Variants in DCBLD2 observed in about 807,000 individuals in gnomAD.
DCBLD2 encodes the protein discoidin, CUB and LCCL domain containing 2, also known as discoidin, CUB and LCCL domain-containing protein 2.
A neutral mutation model predicts 86.8 loss-of-function variants in DCBLD2; 54 were observed. That is an observed-to-expected ratio of 0.62 (90% CI 0.50 to 0.78). The LOEUF is 0.78. Among genes scored for constraint, DCBLD2 ranks in the 30% least tolerant of loss-of-function variants. The pLI, the probability that DCBLD2 is intolerant of heterozygous loss-of-function variation, is 0.00. For missense variants in DCBLD2, 908 were observed against 954.2 expected, an observed-to-expected ratio of 0.95 and a Z score of 0.64; for synonymous variants, 354 against 341.3, an observed-to-expected ratio of 1.04 and a Z score of -0.41.
At chr3:98,842,929 G>A (rs2454690) in intron 3 of DCBLD2, among the ~76,000 whole-genome samples, 147,756 of 152,266 alleles carry the variant, frequency 0.97, 71,847 homozygotes, top group Non-Finnish European at 1. Context: ...GCACAAACAC[G>A]TATGTAGTCT....
At position 98,857,465 on chromosome 3, in the gene DCBLD2, G is replaced by A. The variant is rs78924828; in HGVS notation, c.434-7867C>T. Among the ~76,000 whole-genome samples, 201 of 136,964 alleles carry A rather than the reference G, an allele frequency of 1.5e-3. 1 individual carries two copies. In the East Asian group the frequency reaches 0.017, roughly 12 times the overall value. The allele number at this position is 136,964 out of a possible 152,430, so 89.9% of individuals were successfully genotyped here. A position where few individuals can be genotyped will look rare whatever the true frequency, so the allele number is the denominator to read the frequency against. On this transcript the variant is annotated intron_variant, in intron 2 of 15. Coordinates refer to ENST00000326840, the MANE Select transcript of DCBLD2 (RefSeq NM_080927.4). ...TGATTAGTCCATTTTACAGAGAGCC[G>A]ACTGGTCCATTTTACAGAGAGCTTA...
At chr3:98,897,288 C>CA (rs1486948232) in intron 1 of DCBLD2, among the ~76,000 whole-genome samples, 1 of 152,118 alleles carries the variant, frequency 6.6e-6, no homozygotes, top group Non-Finnish European at 1.5e-5. Context: ...TTACAAGTTT[C>CA]AAAAATGTGC....
At chr3:98,857,979 T>G (rs1942967774) in intron 2 of DCBLD2, among the ~76,000 whole-genome samples, 1 of 152,264 alleles carries the variant, frequency 6.6e-6, no homozygotes, top group Non-Finnish European at 1.5e-5. Flanking sequence ...CCCGCACTCC[T>G]CAGCCCTTGG....
intron 13 of DCBLD2, among the ~76,000 whole-genome samples, chr3:98,803,463 C>G (rs963587525): frequency 6.6e-6 from 1 of 152,208 alleles, no homozygotes; most frequent in Non-Finnish European, 1.5e-5. Flanking sequence ...ATGGGGTTTT[C>G]TAAATATACA....
At chr3:98,839,642 A>T (rs1164517201) in intron 3 of DCBLD2, among the ~76,000 whole-genome samples, 2 of 152,250 alleles carry the variant, frequency 1.3e-5, no homozygotes, top group African/African-American at 2.4e-5. Context: ...ATATTTAATA[A>T]GCATGTGTTA....
At chr3:98,808,567 A>T (rs1376189374) in intron 12 of DCBLD2, among the ~76,000 whole-genome samples, 8 of 152,238 alleles carry the variant, frequency 5.3e-5, no homozygotes, top group Non-Finnish European at 1.2e-4. Context: ...TTAACTAGTA[A>T]TACATTAAAA....
chr3:98,843,658 T>C (rs1486136770), intron 3 of DCBLD2, among the ~76,000 whole-genome samples: 3 of 152,196 alleles, frequency 2.0e-5, no homozygotes, highest in African/African-American at 7.2e-5. Context: ...AAATATTTTT[T>C]ATACTATTGG....
At chr3:98,816,908 A>G (rs899928406) in intron 9 of DCBLD2, among the ~76,000 whole-genome samples, 1 of 152,064 alleles carries the variant, frequency 6.6e-6, no homozygotes, top group African/African-American at 2.4e-5. Context: ...CAGCCTCCCA[A>G]GAAACTGGGA....
intron 3 of DCBLD2, among the ~76,000 whole-genome samples, chr3:98,847,093 C>A (rs1339040773): frequency 6.6e-6 from 1 of 152,162 alleles, no homozygotes; most frequent in Non-Finnish European, 1.5e-5. Context: ...TATCATCTCA[C>A]TTGTGTTCTC....
intron 2 of DCBLD2, among the ~76,000 whole-genome samples, chr3:98,863,358 A>G (rs532618861): frequency 1.3e-5 from 2 of 152,312 alleles, no homozygotes; most frequent in Admixed American, 1.3e-4. Context: ...AATTGGAAAA[A>G]ACTACTTTAA....
intron 3 of DCBLD2, among the ~76,000 whole-genome samples, chr3:98,845,805 G>T (rs946976220): frequency 6.6e-6 from 1 of 152,032 alleles, no homozygotes; most frequent in African/African-American, 2.4e-5. Flanking sequence ...CTACCATCAG[G>T]TTTTTGCACC....
At chr3:98,877,993 A>C (rs1943399370) in intron 2 of DCBLD2, among the ~76,000 whole-genome samples, 1 of 152,220 alleles carries the variant, frequency 6.6e-6, no homozygotes, top group Admixed American at 6.5e-5. Context: ...CAAATGGGAG[A>C]GAAGGGAAAG....
intron 3 of DCBLD2, among the ~76,000 whole-genome samples, chr3:98,833,244 TTG>T (rs1559778085): frequency 6.6e-6 from 1 of 152,180 alleles, no homozygotes; most frequent in Non-Finnish European, 1.5e-5. Flanking sequence ...TGCAATTGGG[TTG>T]TGAAATTCTT....
intron 3 of DCBLD2, among the ~76,000 whole-genome samples, chr3:98,837,327 G>T (rs1199943601): frequency 3.0e-4 from 2 of 6,746 alleles, no homozygotes; most frequent in Non-Finnish European, 7.9e-4. Flanking sequence ...GGACGGGGCG[G>T]CTGGCCGGGC....
intron 2 of DCBLD2, among the ~76,000 whole-genome samples, chr3:98,876,760 A>T (rs1191641280): frequency 1.3e-5 from 2 of 152,230 alleles, no homozygotes; most frequent in African/African-American, 4.8e-5. Flanking sequence ...AAAGCAACCA[A>T]TACAACCATT....
chr3:98,897,952 A>C (rs1449661459), intron 1 of DCBLD2, among the ~76,000 whole-genome samples: 1 of 152,106 alleles, frequency 6.6e-6, no homozygotes, highest in Non-Finnish European at 1.5e-5. Flanking sequence ...ATCAACTTCC[A>C]ATAAATTTAA....
At chr3:98,844,967 AGGAAGTATTTAGT>A (rs1942692548) in intron 3 of DCBLD2, among the ~76,000 whole-genome samples, 1 of 152,226 alleles carries the variant, frequency 6.6e-6, no homozygotes, top group Non-Finnish European at 1.5e-5. Flanking sequence ...TGTTTGTATA[AGGAAGTATTTAGT>A]GGCTGCTTCT....
In DCBLD2 at chr3:98,835,028, A is replaced by C. The variant is rs373081601; in HGVS notation, c.572-9662T>G. On this transcript the variant is annotated intron_variant, in intron 3 of 15. Transcript: ENST00000326840. The stretch of plus-strand genomic sequence containing the variant: ...TGCTCTGTCATCCAGGCTAGAGTGC[A>C]ATGGCCCTATCTTGGCTCACTGCAA... 5.0e-4 allele frequency among the ~76,000 whole-genome samples: 74 copies of C among 148,696 alleles called. No individual in the cohort carries two copies. In the Middle Eastern group the frequency reaches 0.01, roughly 21 times the overall value.
At chr3:98,866,477 T>C (rs1943147459) in intron 2 of DCBLD2, among the ~76,000 whole-genome samples, 2 of 152,376 alleles carry the variant, frequency 1.3e-5, no homozygotes, top group Admixed American at 1.3e-4. Flanking sequence ...TGAGCATTTT[T>C]TCATGTGTCT....
Sources: gnomAD v4.1 joint callset for allele counts (sites outside exome capture counted in the v4.1 genomes callset) on GRCh38, gnomAD v4.1.1 for gene constraint, MANE v1.5 for transcripts, NCBI Gene and HGNC (gene_info 2026-07-23, HGNC 2026-07-21) for gene names.